Variants in HDAC4 observed in about 807,000 individuals in gnomAD.
HDAC4 encodes the protein histone deacetylase 4.
In HDAC4, 16 loss-of-function variants were observed where a neutral mutation model predicts 135.1. The observed-to-expected ratio is 0.12, with a 90% confidence interval of 0.08 to 0.18. The LOEUF is 0.18. Among genes scored for constraint, HDAC4 ranks in the 10% least tolerant of loss-of-function variants. HDAC4 has a pLI of 1.00. For missense variants in HDAC4, 1,143 were observed against 1,511.8 expected (o/e 0.76, Z 4.05); for synonymous variants, 685 against 653.4 (o/e 1.05, Z -0.74).
intron 3 of HDAC4, among the ~76,000 whole-genome samples, chr2:239,230,394 A>T (rs1453011194): frequency 6.7e-6 from 1 of 149,306 alleles, no homozygotes; most frequent in African/African-American, 2.5e-5. Context: ...AAAAAAAGCA[A>T]AGCAGGTGAC....
intron 4 of HDAC4, among the ~76,000 whole-genome samples, chr2:239,178,348 G>A (rs1368136759): frequency 6.6e-6 from 1 of 152,100 alleles, no homozygotes; most frequent in Non-Finnish European, 1.5e-5. Flanking sequence ...ATAGCTCACT[G>A]TAAGCTTGAG....
rs142221846 is a variant in HDAC4 at position 239,369,040 on chromosome 2, C to T, written c.-219-16122G>A. Among the ~76,000 whole-genome samples the T allele has an allele frequency of 1.7e-3, 257 of 152,188 alleles. 1 individual carries two copies. The highest frequency in any genetic ancestry group is 6.0e-3 in the African/African-American group (249 of 41,524). Reference sequence around the variant, plus strand: ...TCCCCTGGTGACCCCAGGGAAGCTGCAGGAAGGTGACAAAGGACCTGCACA... The same window carrying T: ...TCCCCTGGTGACCCCAGGGAAGCTGTAGGAAGGTGACAAAGGACCTGCACA... On this transcript the variant is annotated intron_variant, in intron 1 of 26. Coordinates refer to ENST00000543185, the MANE Select transcript of HDAC4 (RefSeq NM_001378414.1).
At chr2:239,147,019 T>C (rs2152923309) in intron 7 of HDAC4, among the ~76,000 whole-genome samples, 1 of 152,280 alleles carries the variant, frequency 6.6e-6, no homozygotes, top group South Asian at 2.1e-4. Context: ...CAGCATGGCA[T>C]GAGGCTGGGG....
At chr2:239,318,243 T>C (rs2125744798) in intron 2 of HDAC4, among the ~76,000 whole-genome samples, 1 of 152,280 alleles carries the variant, frequency 6.6e-6, no homozygotes, top group African/African-American at 2.4e-5. Context: ...ACTGAGAGCT[T>C]CCGGGCAGCA....
chr2:239,298,174 T>A (rs1370694202), intron 2 of HDAC4: 1 of 1,281,444 alleles, frequency 7.8e-7, no homozygotes, highest in East Asian at 5.6e-5. Context: ...ACCAAACATT[T>A]GCTGACAGCA....
intron 2 of HDAC4, among the ~76,000 whole-genome samples, chr2:239,260,861 A>G (rs1381355573): frequency 1.3e-5 from 2 of 152,130 alleles, no homozygotes; most frequent in Non-Finnish European, 2.9e-5. Flanking sequence ...ATGGGGACTC[A>G]CACCTTGAAC....
At chr2:239,160,791 C>T (rs572617427) in intron 6 of HDAC4, among the ~76,000 whole-genome samples, 154 of 152,362 alleles carry the variant, frequency 1.0e-3, no homozygotes, top group African/African-American at 3.6e-3. Context: ...GACGACTCGT[C>T]GTGTTGCTTG....
At chr2:239,398,706 AGCT>A (rs1476417328) in intron 1 of HDAC4, among the ~76,000 whole-genome samples, 1 of 152,168 alleles carries the variant, frequency 6.6e-6, no homozygotes, top group African/African-American at 2.4e-5. Context: ...ATGGCTAGGA[AGCT>A]GCTGAACACA....
intron 24 of HDAC4, among the ~76,000 whole-genome samples, chr2:239,064,101 G>A (rs2033162290): frequency 6.6e-6 from 1 of 152,236 alleles, no homozygotes; most frequent in South Asian, 2.1e-4. Flanking sequence ...AATGGCAAGG[G>A]CTGGAGGAAC....
intron 4 of HDAC4, among the ~76,000 whole-genome samples, chr2:239,189,071 A>C (rs1025163675): frequency 1.3e-5 from 2 of 152,182 alleles, no homozygotes; most frequent in South Asian, 4.1e-4. Context: ...ACACAGATAT[A>C]GATAACTTAG....
chr2:239,296,047 C>G (rs2051868361), intron 2 of HDAC4, among the ~76,000 whole-genome samples: 1 of 152,168 alleles, frequency 6.6e-6, no homozygotes, highest in Non-Finnish European at 1.5e-5. Context: ...GCTATCACGC[C>G]CATTTTACAT....
intron 3 of HDAC4, among the ~76,000 whole-genome samples, chr2:239,229,286 G>A (rs752617034): frequency 6.6e-6 from 1 of 152,172 alleles, no homozygotes; most frequent in Non-Finnish European, 1.5e-5. Context: ...CAGGAGTAAC[G>A]CTATATTGCA....
chr2:239,342,587 A>C (rs1164981965), intron 2 of HDAC4, among the ~76,000 whole-genome samples: 1 of 152,220 alleles, frequency 6.6e-6, no homozygotes, highest in African/African-American at 2.4e-5. Flanking sequence ...CTAGGAAATG[A>C]CAGTCATCCT....
At chr2:239,338,177 C>T (rs995819089) in intron 2 of HDAC4, among the ~76,000 whole-genome samples, 1 of 152,198 alleles carries the variant, frequency 6.6e-6, no homozygotes, top group Non-Finnish European at 1.5e-5. Flanking sequence ...ACCAGCTGGA[C>T]GTGTTTTATC....
chr2:239,361,624 A>G (rs1693874415), intron 1 of HDAC4, among the ~76,000 whole-genome samples: 1 of 152,216 alleles, frequency 6.6e-6, no homozygotes, highest in Non-Finnish European at 1.5e-5. Flanking sequence ...CTCATAAAGA[A>G]AGCAGCGCTA....
In HDAC4 at chr2:239,167,019, A is replaced by G. The variant is rs545570271; in HGVS notation, c.491-3096T>C. ...AATGATGCTGGTGACAGCGACAGTG[A>G]GGATGAGGACCCAGATGGCCAGTTG... is the stretch of plus-strand genomic sequence containing the variant. On this transcript the variant is annotated intron_variant, in intron 5 of 26. Transcript: ENST00000543185. The surrounding 1 kb of genome is among the most constrained non-coding windows in gnomAD (Gnocchi z 4.1). Among the ~76,000 whole-genome samples, 3 of 152,230 alleles carry G rather than the reference A, an allele frequency of 2.0e-5. No individual in the cohort carries two copies. The South Asian group carries it at 6.2e-4, about 32-fold the overall frequency.
intron 11 of HDAC4, among the ~76,000 whole-genome samples, chr2:239,127,431 T>C (rs934599223): frequency 1.3e-5 from 2 of 152,216 alleles, no homozygotes; most frequent in Non-Finnish European, 2.9e-5. Flanking sequence ...AGTACATTTT[T>C]TCCTTCTGCA....
At chr2:239,291,867 C>T (rs989934416) in intron 2 of HDAC4, among the ~76,000 whole-genome samples, 7 of 152,182 alleles carry the variant, frequency 4.6e-5, no homozygotes, top group Admixed American at 3.3e-4. Context: ...CCCCGGGAGC[C>T]GCCGATTACA....
chr2:239,071,890 T>G (rs1559371277), intron 22 of HDAC4, among the ~76,000 whole-genome samples: 2 of 152,202 alleles, frequency 1.3e-5, no homozygotes, highest in East Asian at 3.8e-4. Flanking sequence ...CTGTTGCTTC[T>G]GCTGTTAATT....
Sources: gnomAD v4.1 joint callset for allele counts (sites outside exome capture counted in the v4.1 genomes callset) on GRCh38, gnomAD v4.1.1 for gene constraint, Gnocchi (gnomAD v3.1) non-coding constraint, MANE v1.5 for transcripts, NCBI Gene and HGNC (gene_info 2026-07-23, HGNC 2026-07-21) for gene names.